The following PIK3CB variants were observed in gnomAD, a reference collection of about 807,000 sequenced individuals.
PIK3CB encodes phosphatidylinositol-4,5-bisphosphate 3-kinase catalytic subunit beta, also known as phosphatidylinositol 4,5-bisphosphate 3-kinase catalytic subunit beta isoform.
Under a neutral mutation model 136.8 loss-of-function variants are expected in PIK3CB, and 39 were observed. That is an observed-to-expected ratio of 0.29 (90% CI 0.22 to 0.37). The LOEUF (loss-of-function observed/expected upper bound fraction) is 0.37. Ranked by LOEUF, PIK3CB falls within the 10% of genes least tolerant of loss-of-function variation. The pLI is 1.00. For synonymous variants in PIK3CB, 428 were observed against 436.6 expected, an observed-to-expected ratio of 0.98 and a Z score of 0.25; for missense variants, 868 against 1,275.4, an observed-to-expected ratio of 0.68 and a Z score of 4.87.
At chr3:138,661,457 G>T (rs997567432) in intron 21 of PIK3CB, among the ~76,000 whole-genome samples, 7 of 152,080 alleles carry the variant, frequency 4.6e-5, no homozygotes, top group African/African-American at 1.4e-4. Flanking sequence ...CTATCACCCC[G>T]AAGTCTGGTA....
chr3:138,697,793 AT>A (rs2044169989), intron 13 of PIK3CB, among the ~76,000 whole-genome samples: 1 of 151,920 alleles, frequency 6.6e-6, no homozygotes, highest in Non-Finnish European at 1.5e-5. Flanking sequence ...GTAGAGTGCA[AT>A]GGCATTTGGT....
At chr3:138,715,073 T>G (rs917194615) in intron 8 of PIK3CB, among the ~76,000 whole-genome samples, 3 of 152,210 alleles carry the variant, frequency 2.0e-5, no homozygotes, top group African/African-American at 7.2e-5. Flanking sequence ...ATCATATGCT[T>G]ACTCACTGAC....
chr3:138,797,532 T>C (rs2046122323), intron 1 of PIK3CB, among the ~76,000 whole-genome samples: 1 of 152,176 alleles, frequency 6.6e-6, no homozygotes. Context: ...TTAAGGTGTC[T>C]TTTGATGAAG....
chr3:138,802,843 A>G (rs2046192884), intron 1 of PIK3CB, among the ~76,000 whole-genome samples: 1 of 152,208 alleles, frequency 6.6e-6, no homozygotes, highest in Non-Finnish European at 1.5e-5. Context: ...TACAGCACAC[A>G]ATACATATCC....
At chr3:138,768,924 G>A (rs972737599) in intron 2 of PIK3CB, among the ~76,000 whole-genome samples, 3 of 152,196 alleles carry the variant, frequency 2.0e-5, no homozygotes, top group African/African-American at 7.2e-5. Flanking sequence ...GCCTTCTTGG[G>A]CCCCTAAGGA....
At chr3:138,774,708 TCTCACATCTAGGAA>T (rs1235523782) in intron 2 of PIK3CB, among the ~76,000 whole-genome samples, 5 of 152,164 alleles carry the variant, frequency 3.3e-5, no homozygotes, top group Non-Finnish European at 7.3e-5. Flanking sequence ...AACCAACAGC[TCTCACATCTAGGAA>T]CTGAACCAGT....
chr3:138,819,152 T>C (rs1933454401), intron 1 of PIK3CB, among the ~76,000 whole-genome samples: 2 of 152,110 alleles, frequency 1.3e-5, no homozygotes, highest in African/African-American at 4.8e-5. Flanking sequence ...ATCGAGACCA[T>C]CCTGGCTAAC....
intron 4 of PIK3CB, among the ~76,000 whole-genome samples, chr3:138,754,557 T>A (rs1004315717): frequency 6.6e-6 from 1 of 152,138 alleles, no homozygotes; most frequent in Admixed American, 6.6e-5. Context: ...CACTAATATA[T>A]AAGAAAAAAT....
rs2108733904 is a variant in PIK3CB at position 138,759,235 on chromosome 3, G to A, written c.109C>T (p.Pro37Ser). 1.2e-6 allele frequency: 2 copies of A among 1,612,204 alleles called. No individual in the cohort carries two copies. Among genetic ancestry groups the A allele is most frequent in the Non-Finnish European group, 1.7e-6 (2 of 1,178,558 alleles). The part of the protein sequence containing the change: ...DGSIPVDFLL[P>S]TGIYIQLEVP... ...TCCAACTGGATATAAATCCCAGTGG[G>A]CAAAAGGAAATCCACAGGTATGGAG... The change falls in exon 3 of 24, where the codon CCC (proline) becomes TCC (serine). Residue 37 changes from proline (P) to serine (S), a missense_variant. Pro to Ser is a moderately conservative substitution (Grantham distance 74). Transcript: ENST00000674063.
intron 8 of PIK3CB, among the ~76,000 whole-genome samples, chr3:138,720,156 G>T (rs1214260915): frequency 6.6e-6 from 1 of 152,156 alleles, no homozygotes; most frequent in Non-Finnish European, 1.5e-5. Context: ...TGACTCCTGA[G>T]TTCCTTGACC....
At chr3:138,664,520 T>C (rs2043366214) in intron 20 of PIK3CB, among the ~76,000 whole-genome samples, 1 of 152,216 alleles carries the variant, frequency 6.6e-6, no homozygotes, top group African/African-American at 2.4e-5. Flanking sequence ...CTGATTTGCA[T>C]ATTACAAGTT....
intron 2 of PIK3CB, among the ~76,000 whole-genome samples, chr3:138,793,380 C>T (rs1348550871): frequency 3.4e-5 from 5 of 149,208 alleles, no homozygotes; most frequent in South Asian, 4.3e-4. Context: ...CCGAGGGGGG[C>T]GGATCCCGCG....
intron 2 of PIK3CB, 127 bp from the exon 3 acceptor site, chr3:138,759,486 C>A: frequency 1.8e-6 from 1 of 543,310 alleles, no homozygotes; most frequent in Non-Finnish European, 3.2e-6. Flanking sequence ...AACAGGAGGC[C>A]AATTAAATAA....
intron 8 of PIK3CB, among the ~76,000 whole-genome samples, chr3:138,724,844 G>A (rs1222010313): frequency 6.6e-6 from 1 of 152,126 alleles, no homozygotes; most frequent in Non-Finnish European, 1.5e-5. Context: ...GTCACAATTT[G>A]TAAAAAGGTA....
intron 1 of PIK3CB, chr3:138,825,456 TAAGG>T: frequency 1.4e-6 from 1 of 700,326 alleles, no homozygotes; most frequent in Admixed American, 2.0e-5. Flanking sequence ...AGGAAATCAT[TAAGG>T]AAGTCAGCAC....
intron 2 of PIK3CB, among the ~76,000 whole-genome samples, chr3:138,795,045 C>T (rs2046093402): frequency 2.0e-5 from 3 of 151,916 alleles, no homozygotes; most frequent in Admixed American, 6.6e-5. Flanking sequence ...CTCAGCCGGG[C>T]GCGGTGGCTC....
At chr3:138,826,279 G>A (rs1933778537) in intron 1 of PIK3CB, 4 of 1,596,106 alleles carry the variant, frequency 2.5e-6, no homozygotes, top group Non-Finnish European at 3.4e-6. Flanking sequence ...GAAGGCTGCT[G>A]GAGCTGGCAA....
At chr3:138,720,049 A>C (rs2044694627) in intron 8 of PIK3CB, among the ~76,000 whole-genome samples, 1 of 152,332 alleles carries the variant, frequency 6.6e-6, no homozygotes, top group Non-Finnish European at 1.5e-5. Flanking sequence ...GAAAGATACC[A>C]GTAATTGCTT....
chr3:138,718,145 C>A (rs1250461892), intron 8 of PIK3CB, among the ~76,000 whole-genome samples: 1 of 152,178 alleles, frequency 6.6e-6, no homozygotes, highest in Non-Finnish European at 1.5e-5. Context: ...AATTTACACT[C>A]CCACCAGCAG....
Sources: gnomAD v4.1 joint callset for allele counts (sites outside exome capture counted in the v4.1 genomes callset) on GRCh38, gnomAD v4.1.1 for gene constraint, MANE v1.5 for transcripts, NCBI Gene and HGNC (gene_info 2026-07-23, HGNC 2026-07-21) for gene names.